RIN3: variants seen among roughly 807,000 people sequenced by gnomAD.
The protein encoded by RIN3 is Ras and Rab interactor 3.
A neutral mutation model predicts 76.3 loss-of-function variants in RIN3; 54 were observed. The ratio of observed to expected loss-of-function variants is 0.71; its 90% CI spans 0.57 to 0.89. The LOEUF is 0.89. RIN3 is among the 40% of genes least tolerant of loss of function. The probability of loss-of-function intolerance (pLI) is 0.00; values close to 1 mark genes in which losing one functional copy is unlikely to be tolerated. For missense variants in RIN3, 1,256 were observed against 1,322.1 expected, an observed-to-expected ratio of 0.95 and a Z score of 0.78; for synonymous variants, 576 against 564.0, an observed-to-expected ratio of 1.02 and a Z score of -0.30.
At chr14:92,673,110 G>A (rs1888342560) in intron 7 of RIN3, among the ~76,000 whole-genome samples, 1 of 151,478 alleles carries the variant, frequency 6.6e-6, no homozygotes, top group African/African-American at 2.4e-5. Context: ...GCAAAACCCT[G>A]TCTCTACCAA....
At chr14:92,595,159 CAG>C (rs1566859445) in intron 3 of RIN3, among the ~76,000 whole-genome samples, 5 of 152,266 alleles carry the variant, frequency 3.3e-5, no homozygotes, top group Admixed American at 3.3e-4. Flanking sequence ...GTCAAGGAGG[CAG>C]AGTTGTCAAT....
intron 1 of RIN3, among the ~76,000 whole-genome samples, chr14:92,524,905 C>G (rs1265037780): frequency 6.6e-6 from 1 of 152,236 alleles, no homozygotes; most frequent in East Asian, 1.9e-4. Context: ...CACTAGCTGC[C>G]TCCCTCTCTA....
At chr14:92,615,788 A>G (rs1408072272) in intron 4 of RIN3, 3 of 331,818 alleles carry the variant, frequency 9.0e-6, no homozygotes, top group Non-Finnish European at 1.7e-5. Context: ...CTCCCATTGC[A>G]GGGGTTCTAG....
chr14:92,659,317 G>C lies in RIN3; in HGVS notation c.2183G>C (p.Gly728Ala). ...CTGGCCACCACCACCACTGACCTAG[G>C]TGTGACCACCAGCGTGCCGGAGGTG... ...VILATTTTDLGVTTSVPEVPM... is the reference protein window; with the variant it reads ...VILATTTTDLAVTTSVPEVPM... Residue 728 changes from glycine (G) to alanine (A), a missense_variant, in exon 7 of 10, where the codon GGT becomes GCT. By Grantham distance (60) the Gly-to-Ala change is moderately conservative. Around this residue, in one of 3 missense-constraint regions of RIN3, gnomAD observed 428 missense variants for 521.2 expected, o/e 0.82. Transcript: ENST00000216487. 6.2e-7 allele frequency: 1 copy of C among 1,613,282 alleles called. No homozygotes were observed. The highest frequency in any genetic ancestry group is 8.5e-7 in the Non-Finnish European group (1 of 1,179,536).
chr14:92,659,617 G>A (rs1167019672), intron 7 of RIN3, 148 bp downstream of exon 7: 6 of 703,034 alleles, frequency 8.5e-6, no homozygotes, highest in Non-Finnish European at 1.3e-5. Context: ...TGTGGGTGGG[G>A]TGTAATTCCT....
Position 92,652,214 on chromosome 14 carries a change from C to A in RIN3, c.1165C>A (p.Arg389Ser), listed in dbSNP as rs143955535. The A allele has an allele frequency of 1.9e-6, 3 of 1,606,530 alleles. No individual in the cohort carries two copies. Among genetic ancestry groups the A allele is most frequent in the Middle Eastern group, 1.7e-4 (1 of 6,026 alleles). Reference protein sequence around the residue: ...KKNLPTAPPRRRVSERVSLED... With the variant: ...KKNLPTAPPRSRVSERVSLED... ...GAACCTTCCCACTGCCCCTCCCAGACGCCGCGTTTCCGAGAGGGTGTCCTT... is the reference window on the plus strand; with the variant it reads ...GAACCTTCCCACTGCCCCTCCCAGAAGCCGCGTTTCCGAGAGGGTGTCCTT... The change falls in exon 6 of 10, where the codon CGC (arginine) becomes AGC (serine). Residue 389 changes from arginine to serine, a missense_variant. Transcript: ENST00000216487. The surrounding 1 kb of genome is among the most constrained non-coding windows in gnomAD (Gnocchi z 6.4).
chr14:92,516,547 T>C (rs1172286530), intron 1 of RIN3, among the ~76,000 whole-genome samples: 1 of 152,080 alleles, frequency 6.6e-6, no homozygotes, highest in Non-Finnish European at 1.5e-5. Flanking sequence ...CCTAGCCCTT[T>C]CCAGATCCTA....
rs200150264 is a variant in RIN3 at position 92,685,027 on chromosome 14, C to T, written c.2508C>T (p.His836=). The T allele has an allele frequency of 4.9e-5, 79 of 1,614,046 alleles. No homozygotes were observed. In the African/African-American group the frequency reaches 1.0e-3, roughly 21 times the overall value. The change falls in exon 9 of 10, where the codon CAC becomes CAT. Residue 836 remains histidine (H), a synonymous_variant. Transcript: ENST00000216487. This position sits in a 1 kb window ranked among gnomAD's most constrained non-coding sequence, Gnocchi z 4.7. ...YLTTTYGALE[H]IKSYDKITVT... ...CCACCACCTACGGGGCCCTGGAGCA[C>T]ATCAAGAGCTACGACAAGATCACGG... is the stretch of plus-strand genomic sequence containing the variant.
chr14:92,535,649 C>A (rs1359699239), intron 1 of RIN3, among the ~76,000 whole-genome samples: 1 of 145,512 alleles, frequency 6.9e-6, no homozygotes, highest in Non-Finnish European at 1.5e-5. Context: ...TAAATTAGGA[C>A]ACAGTCTACC....
At chr14:92,526,285 G>A (rs995338093) in intron 1 of RIN3, among the ~76,000 whole-genome samples, 1 of 151,952 alleles carries the variant, frequency 6.6e-6, no homozygotes, top group Non-Finnish European at 1.5e-5. Flanking sequence ...GCGAAACCCC[G>A]TCTCTACTAA....
At chr14:92,664,861 C>T (rs530078436) in intron 7 of RIN3, among the ~76,000 whole-genome samples, 14 of 152,276 alleles carry the variant, frequency 9.2e-5, no homozygotes, top group African/African-American at 3.4e-4. Context: ...GTTAATACAG[C>T]ATTTTTGTCT....
chr14:92,627,368 A>C (rs1282772439), intron 4 of RIN3, among the ~76,000 whole-genome samples: 3 of 152,238 alleles, frequency 2.0e-5, no homozygotes, highest in African/African-American at 7.2e-5. Flanking sequence ...TGCAGGTATA[A>C]GCCCCATGGC....
At chr14:92,625,627 C>T (rs1886325050) in intron 4 of RIN3, among the ~76,000 whole-genome samples, 2 of 152,154 alleles carry the variant, frequency 1.3e-5, no homozygotes. Context: ...ATTTGAAGCA[C>T]CTATCCTGTC....
At chr14:92,610,364 T>C (rs1885688116) in intron 3 of RIN3, among the ~76,000 whole-genome samples, 1 of 152,102 alleles carries the variant, frequency 6.6e-6, no homozygotes, top group Admixed American at 6.5e-5. Context: ...ACCGCTGATA[T>C]CCTTTCTGTC....
intron 5 of RIN3, among the ~76,000 whole-genome samples, chr14:92,645,996 C>T (rs553847067): frequency 2.0e-5 from 3 of 151,050 alleles, no homozygotes; most frequent in South Asian, 2.1e-4. Flanking sequence ...GAGAGTTGCA[C>T]AACTCAGTGA....
At chr14:92,528,075 G>A (rs1192716089) in intron 1 of RIN3, among the ~76,000 whole-genome samples, 3 of 149,532 alleles carry the variant, frequency 2.0e-5, no homozygotes, top group Admixed American at 6.6e-5. Context: ...CTGCTGGGGG[G>A]TCCTGGCAAG....
chr14:92,582,460 TTC>T lies in RIN3; in HGVS notation c.367+4984_367+4985del, dbSNP rs1491110201. On this transcript the variant is annotated intron_variant, in intron 3 of 9. Transcript: ENST00000216487. Reference sequence around the variant, plus strand: ...TTTTTTACTTTTTTTTTTTTTTTTTTTCCCTGAGATGGAGTCTTGCTCTATCG... The same window carrying T: ...TTTTTTACTTTTTTTTTTTTTTTTTTCCTGAGATGGAGTCTTGCTCTATCG... 8.0e-5 allele frequency among the ~76,000 whole-genome samples: 11 copies of T among 137,974 alleles called. 1 individual carries two copies. Among genetic ancestry groups the T allele is most frequent in the Admixed American group, 6.4e-4 (9 of 14,140 alleles). The allele number at this position is 137,974 out of a possible 152,430, so 90.5% of individuals were successfully genotyped here. A position where few individuals can be genotyped will look rare whatever the true frequency, so the allele number is the denominator to read the frequency against.
Position 92,514,091 on chromosome 14 carries a change from C to A in RIN3, c.44+115C>A. 1 of 695,182 alleles carries A rather than the reference C, an allele frequency of 1.4e-6. No individual in the cohort carries two copies. The highest frequency in any genetic ancestry group is 2.0e-6 in the Non-Finnish European group (1 of 497,700). The allele number at this position is 695,182 out of a possible 1,614,324, so 43.1% of individuals were successfully genotyped here. ...TTCGGGCGCGTGACCTCGGGGTTGTCGGGCTGATACGGGACCCCCACCGTG... is the reference window on the plus strand; with the variant it reads ...TTCGGGCGCGTGACCTCGGGGTTGTAGGGCTGATACGGGACCCCCACCGTG... On this transcript the variant is annotated intron_variant, in intron 1 of 9. Coordinates refer to ENST00000216487, the MANE Select transcript of RIN3 (RefSeq NM_024832.5). This position sits in a 1 kb window ranked among gnomAD's most constrained non-coding sequence, Gnocchi z 7.2.
intron 2 of RIN3, among the ~76,000 whole-genome samples, chr14:92,563,893 A>G (rs1170180791): frequency 1.3e-5 from 2 of 152,126 alleles, no homozygotes; most frequent in African/African-American, 2.4e-5. Context: ...ACTTTCTTAC[A>G]TCTCTGTACA....
Sources: allele counts gnomAD v4.1 joint callset (sites outside exome capture counted in the v4.1 genomes callset), GRCh38; gene constraint gnomAD v4.1.1; regional missense constraint gnomAD v4.1.1; non-coding constraint Gnocchi (gnomAD v3.1); transcripts MANE v1.5; gene names NCBI Gene and HGNC (gene_info 2026-07-23, HGNC 2026-07-21).